Variants in CLNK observed in about 807,000 individuals in gnomAD.
CLNK encodes cytokine-dependent hematopoietic cell linker.
CLNK carries 74 observed loss-of-function variants against 68.6 expected under a neutral mutation model. That is an observed-to-expected ratio of 1.08 (90% CI 0.89 to 1.31). The LOEUF (loss-of-function observed/expected upper bound fraction) is 1.31. Ranked by LOEUF, CLNK falls within the 50% of genes most tolerant of loss-of-function variation. The pLI, the probability that CLNK is intolerant of heterozygous loss-of-function variation, is 0.00. For synonymous variants in CLNK, 198 were observed against 172.2 expected, an observed-to-expected ratio of 1.15 and a Z score of -1.17; for missense variants, 553 against 515.3, an observed-to-expected ratio of 1.07 and a Z score of -0.71.
At chr4:10,641,093 A>G (rs952506664) in intron 2 of CLNK, among the ~76,000 whole-genome samples, 1 of 152,152 alleles carries the variant, frequency 6.6e-6, no homozygotes, top group African/African-American at 2.4e-5. Flanking sequence ...GTGGGAGAAT[A>G]CAGGGAGTCA....
intron 15 of CLNK, among the ~76,000 whole-genome samples, chr4:10,518,070 C>G (rs752438032): frequency 6.6e-6 from 1 of 151,588 alleles, no homozygotes; most frequent in Non-Finnish European, 1.5e-5. Context: ...AAATAGGACT[C>G]TCCTAACATG....
chr4:10,639,553 A>G (rs1341972234), intron 2 of CLNK, among the ~76,000 whole-genome samples: 2 of 152,258 alleles, frequency 1.3e-5, no homozygotes, highest in Non-Finnish European at 2.9e-5. Flanking sequence ...TCTGCTTTAT[A>G]TAAGTCATGG....
At chr4:10,591,976 C>A (rs966795801) in intron 3 of CLNK, among the ~76,000 whole-genome samples, 9 of 152,202 alleles carry the variant, frequency 5.9e-5, no homozygotes, top group African/African-American at 1.9e-4. Context: ...TAGTGCCACT[C>A]ACAACTCTCA....
intron 2 of CLNK, among the ~76,000 whole-genome samples, chr4:10,607,825 C>T (rs1721844893): frequency 6.6e-6 from 1 of 152,204 alleles, no homozygotes; most frequent in African/African-American, 2.4e-5. Flanking sequence ...ACTATTTTAT[C>T]AACTCATTGT....
chr4:10,663,930 C>G (rs1266457628), intron 2 of CLNK, among the ~76,000 whole-genome samples: 2 of 152,164 alleles, frequency 1.3e-5, no homozygotes, highest in African/African-American at 4.8e-5. Flanking sequence ...AAGCAGACGG[C>G]TGTCTATGAA....
At chr4:10,703,224 T>C in the CLNK span, among the ~76,000 whole-genome samples, 1 of 152,152 alleles carries the variant, frequency 6.6e-6, no homozygotes. Flanking sequence ...ACAGGCTAAC[T>C]ACACTAACGT....
At chr4:10,536,249 G>T (rs147217104) in intron 11 of CLNK, among the ~76,000 whole-genome samples, 1 of 152,304 alleles carries the variant, frequency 6.6e-6, no homozygotes, top group East Asian at 1.9e-4. Flanking sequence ...CACTCACAGT[G>T]CCTTACCAAC....
At chr4:10,543,262 G>A (rs1023935020) in intron 8 of CLNK, among the ~76,000 whole-genome samples, 2 of 152,204 alleles carry the variant, frequency 1.3e-5, no homozygotes, top group Non-Finnish European at 2.9e-5. Context: ...GTCAGAAGAA[G>A]GCTCCTTGGA....
Position 10,662,761 on chromosome 4 carries a change from G to GACA in CLNK, c.11+5095_11+5097dup, listed in dbSNP as rs201661978. Among the ~76,000 whole-genome samples, 731 of 152,278 alleles carry GACA rather than the reference G, an allele frequency of 4.8e-3. 28 individuals are homozygous for GACA. Among genetic ancestry groups the GACA allele is most frequent in the Admixed American group, 0.039 (593 of 15,286 alleles). ...ACATAGATATAGAAAAATAAACTAAGACAACTGTAGCAAGTTAGTGCTGGG... is the reference window on the plus strand; with the variant it reads ...ACATAGATATAGAAAAATAAACTAAGACAACAACTGTAGCAAGTTAGTGCTGGG... On this transcript the variant is annotated intron_variant, in intron 2 of 18. Coordinates refer to ENST00000226951, the MANE Select transcript of CLNK (RefSeq NM_052964.4).
chr4:10,731,341 G>T, the CLNK span, among the ~76,000 whole-genome samples: 24 of 152,166 alleles, frequency 1.6e-4, no homozygotes, highest in African/African-American at 5.6e-4. Flanking sequence ...GCAACCACAG[G>T]GGATTTCTCC....
At chr4:10,649,397 A>G (rs1392784925) in intron 2 of CLNK, among the ~76,000 whole-genome samples, 1 of 152,216 alleles carries the variant, frequency 6.6e-6, no homozygotes, top group Non-Finnish European at 1.5e-5. Context: ...AGAAGCAAAG[A>G]ACTGAAATCG....
chr4:10,513,593 A>C lies in CLNK; in HGVS notation c.777T>G (p.His259Gln), dbSNP rs773233835. The C allele has an allele frequency of 3.1e-6, 5 of 1,596,866 alleles. No homozygotes were observed. Among genetic ancestry groups the C allele is most frequent in the Non-Finnish European group, 2.6e-6 (3 of 1,171,812 alleles). Residue 259 changes from histidine (H) to glutamine (Q), a missense_variant, in exon 16 of 19, where the codon CAT (histidine) becomes CAG (glutamine). By Grantham distance (24) the His-to-Gln change is conservative. Coordinates refer to ENST00000226951, the MANE Select transcript of CLNK (RefSeq NM_052964.4). ...TSNHSVQNRDHRGGMQPCSPQ... is the reference protein window; with the variant it reads ...TSNHSVQNRDQRGGMQPCSPQ... ...GAGAACAGGGCTGCATGCCTCCTCT[A>C]TGATCTGGAAAGGTTAAATTCACAT... is the stretch of plus-strand genomic sequence containing the variant.
At chr4:10,537,678 T>TCTTTCTTTCTTTCTTC (rs1718836142) in intron 11 of CLNK, among the ~76,000 whole-genome samples, 9 of 38,530 alleles carry the variant, frequency 2.3e-4, no homozygotes, top group East Asian at 8.4e-4. Context: ...TTTCTTTCTT[T>TCTTTCTTTCTTTCTTC]CTTCCTTCCT....
chr4:10,597,913 T>C, intron 3 of CLNK, 65 bp downstream of exon 3: 1 of 1,121,980 alleles, frequency 8.9e-7, no homozygotes. Context: ...TTTGTGATGG[T>C]CAGCTTATTT....
chr4:10,612,298 C>T (rs1428203225), intron 2 of CLNK, among the ~76,000 whole-genome samples: 1 of 152,234 alleles, frequency 6.6e-6, no homozygotes, highest in African/African-American at 2.4e-5. Context: ...AAGGTCTGCC[C>T]AACATCATGG....
At chr4:10,683,599 G>A (rs1393988619) in intron 1 of CLNK, among the ~76,000 whole-genome samples, 1 of 152,184 alleles carries the variant, frequency 6.6e-6, no homozygotes, top group Admixed American at 6.5e-5. Flanking sequence ...TGTAAACCAG[G>A]GAAAGTAATA....
intron 2 of CLNK, among the ~76,000 whole-genome samples, chr4:10,602,064 C>T (rs908505208): frequency 6.6e-6 from 1 of 152,156 alleles, no homozygotes; most frequent in Non-Finnish European, 1.5e-5. Flanking sequence ...TCTTGAGCAC[C>T]CTTCCAGCAC....
intron 2 of CLNK, among the ~76,000 whole-genome samples, chr4:10,636,661 T>C (rs943459706): frequency 6.6e-6 from 1 of 152,090 alleles, no homozygotes; most frequent in Non-Finnish European, 1.5e-5. Flanking sequence ...CGCCAAGGCA[T>C]GGAGACAGCT....
chr4:10,505,144 G>T (rs564830893), intron 17 of CLNK, among the ~76,000 whole-genome samples: 9 of 152,266 alleles, frequency 5.9e-5, no homozygotes, highest in South Asian at 2.1e-4. Flanking sequence ...GGACAGCCAG[G>T]GTTGGAATCT....
Sources: allele counts gnomAD v4.1 joint callset (sites outside exome capture counted in the v4.1 genomes callset), GRCh38; gene constraint gnomAD v4.1.1; transcripts MANE v1.5; gene names NCBI Gene and HGNC (gene_info 2026-07-23, HGNC 2026-07-21).